The following RRAS2 variants were observed in gnomAD, a reference collection of about 807,000 sequenced individuals.
RRAS2 encodes ras-related protein R-Ras2.
RRAS2 carries 7 observed loss-of-function variants against 27.6 expected under a neutral mutation model. The observed-to-expected ratio is 0.25, with a 90% confidence interval of 0.14 to 0.48. The LOEUF is 0.48. RRAS2 is among the 20% of genes least tolerant of loss of function. The pLI, the probability that RRAS2 is intolerant of heterozygous loss-of-function variation, is 0.99. For missense variants in RRAS2, 178 were observed against 256.2 expected, an observed-to-expected ratio of 0.69 and a Z score of 2.08; for synonymous variants, 86 against 90.9, an observed-to-expected ratio of 0.95 and a Z score of 0.31.
chr11:14,312,208 G>A (rs761945477), intron 1 of RRAS2, among the ~76,000 whole-genome samples: 5 of 152,042 alleles, frequency 3.3e-5, no homozygotes, highest in African/African-American at 9.7e-5. Flanking sequence ...GGGAGAACAC[G>A]GACTAGTTAC....
intron 1 of RRAS2, among the ~76,000 whole-genome samples, chr11:14,322,574 A>T (rs1848250576): frequency 6.6e-6 from 1 of 152,166 alleles, no homozygotes; most frequent in Non-Finnish European, 1.5e-5. Flanking sequence ...CACAAATAAC[A>T]TTTTTTCCAA....
At chr11:14,282,892 CT>C (rs1177754804) in intron 4 of RRAS2, among the ~76,000 whole-genome samples, 1 of 152,088 alleles carries the variant, frequency 6.6e-6, no homozygotes, top group East Asian at 1.9e-4. Context: ...TTATTTCTTG[CT>C]TTTTGATGTG....
chr11:14,281,649 A>T lies in RRAS2; in HGVS notation c.480T>A (p.Ile160=), dbSNP rs1849539210. The part of the protein sequence containing the change: ...KVTYMEASAK[I]RMNVDQAFHE... ...GGAAAGCTTGATCTACATTCATCCT[A>T]ATCTTTGCTGATGCCTCCATGTATG... Residue 160 remains isoleucine (I), a synonymous_variant, in exon 5 of 6, where the codon ATT becomes ATA. Coordinates refer to ENST00000256196, the MANE Select transcript of RRAS2 (RefSeq NM_012250.6). 6.2e-7 allele frequency: 1 copy of T among 1,600,208 alleles called. No homozygotes were observed. Among genetic ancestry groups the T allele is most frequent in the African/African-American group, 1.3e-5 (1 of 74,222 alleles).
chr11:14,357,070 G>A (rs1554955551), intron 1 of RRAS2, among the ~76,000 whole-genome samples: 3 of 151,984 alleles, frequency 2.0e-5, no homozygotes, highest in Admixed American at 2.0e-4. Flanking sequence ...ACAGGTGTGA[G>A]CCACGACGCC....
intron 1 of RRAS2, among the ~76,000 whole-genome samples, chr11:14,353,936 A>G (rs1715677374): frequency 6.6e-6 from 1 of 152,236 alleles, no homozygotes; most frequent in Admixed American, 6.5e-5. Context: ...ATTCATTTGT[A>G]CATTAATGTT....
intron 1 of RRAS2, among the ~76,000 whole-genome samples, chr11:14,309,882 A>G (rs1847920047): frequency 6.6e-6 from 1 of 152,214 alleles, no homozygotes; most frequent in Admixed American, 6.5e-5. Context: ...GAGGCAGATG[A>G]ATAAAATGTT....
At chr11:14,356,146 A>T (rs1042773150) in intron 1 of RRAS2, among the ~76,000 whole-genome samples, 3 of 152,152 alleles carry the variant, frequency 2.0e-5, no homozygotes, top group Admixed American at 6.5e-5. Flanking sequence ...AAAATTACAC[A>T]TGCAGCAAGT....
At chr11:14,329,486 TAC>T (rs1396635596) in intron 1 of RRAS2, among the ~76,000 whole-genome samples, 21 of 152,316 alleles carry the variant, frequency 1.4e-4, no homozygotes, top group African/African-American at 4.3e-4. Flanking sequence ...ACCCCTCGCA[TAC>T]ACAGATACCT....
intron 4 of RRAS2, among the ~76,000 whole-genome samples, chr11:14,293,938 A>T (rs1373550110): frequency 1.3e-5 from 2 of 152,228 alleles, no homozygotes; most frequent in African/African-American, 4.8e-5. Flanking sequence ...CCTGCAAACT[A>T]AATACTAAAA....
At chr11:14,296,689 C>G (rs1205517410) in intron 1 of RRAS2, among the ~76,000 whole-genome samples, 1 of 152,106 alleles carries the variant, frequency 6.6e-6, no homozygotes, top group Non-Finnish European at 1.5e-5. Context: ...AAGAAAATAT[C>G]ATTTTGAAAT....
intron 1 of RRAS2, among the ~76,000 whole-genome samples, chr11:14,317,693 CAAG>C (rs1848140086): frequency 6.6e-6 from 1 of 152,196 alleles, no homozygotes; most frequent in Non-Finnish European, 1.5e-5. Context: ...CCTCTATCAA[CAAG>C]AAGCAGATGA....
chr11:14,315,834 G>A (rs1030207627), intron 1 of RRAS2, among the ~76,000 whole-genome samples: 7 of 151,720 alleles, frequency 4.6e-5, no homozygotes, highest in African/African-American at 1.7e-4. Flanking sequence ...ATTTAATTAA[G>A]GAAAACAACT....
intron 1 of RRAS2, among the ~76,000 whole-genome samples, chr11:14,308,758 T>C (rs1554948449): frequency 6.6e-6 from 1 of 152,210 alleles, no homozygotes; most frequent in African/African-American, 2.4e-5. Context: ...GAACATTTTC[T>C]GTACTTTACA....
chr11:14,326,563 A>C (rs1388598228), intron 1 of RRAS2, among the ~76,000 whole-genome samples: 1 of 152,220 alleles, frequency 6.6e-6, no homozygotes, highest in Non-Finnish European at 1.5e-5. Context: ...TTAAATCAGT[A>C]AAAGAATTTT....
upstream of RRAS2, among the ~76,000 whole-genome samples, chr11:14,364,136 C>T (rs1177913436): frequency 3.9e-5 from 6 of 152,206 alleles, no homozygotes; most frequent in Non-Finnish European, 7.3e-5. Flanking sequence ...GGAGGGTGCT[C>T]ATCCCTGTCC....
chr11:14,279,392 G>A lies in RRAS2; in HGVS notation c.560C>T (p.Pro187Leu). The A allele has an allele frequency of 6.2e-7, 1 of 1,612,666 alleles. No individual in the cohort carries two copies. Among genetic ancestry groups the A allele is most frequent in the Non-Finnish European group, 8.5e-7 (1 of 1,178,850 alleles). ...GTCTTTTTCTTTCCGTGTTGGTTCT[G>A]GTGAAGGAGGACATTCCTGCTCTTG... ...KFQEQECPPSPEPTRKEKDKK... is the reference protein window; with the variant it reads ...KFQEQECPPSLEPTRKEKDKK... The change falls in exon 6 of 6, where the codon CCA becomes CTA. Residue 187 changes from proline (P) to leucine (L), a missense_variant. Pro to Leu is a moderately conservative substitution (Grantham distance 98). Coordinates refer to ENST00000256196, the MANE Select transcript of RRAS2 (RefSeq NM_012250.6).
chr11:14,285,341 G>A (rs1400453889), intron 4 of RRAS2, among the ~76,000 whole-genome samples: 2 of 152,158 alleles, frequency 1.3e-5, no homozygotes, highest in African/African-American at 2.4e-5. Flanking sequence ...TTGAGCTCAA[G>A]AGTTCAAGGC....
rs1564982868 is a variant in RRAS2, at chr11:14,348,860, G to GTA, written c.108+9901_108+9902dup. Among the ~76,000 whole-genome samples, 4 of 152,162 alleles carry GTA rather than the reference G, an allele frequency of 2.6e-5. No homozygotes were observed. In the South Asian group the frequency reaches 8.3e-4, roughly 32 times the overall value. On this transcript the variant is annotated intron_variant, in intron 1 of 5. Coordinates refer to ENST00000256196, the MANE Select transcript of RRAS2 (RefSeq NM_012250.6). ...GCTAGGTGATCTCATTGCTAAAGGGGTATCACTGCTTCCTGGCCATCTTAG... is the reference window on the plus strand; with the variant it reads ...GCTAGGTGATCTCATTGCTAAAGGGGTATATCACTGCTTCCTGGCCATCTTAG...
At chr11:14,322,731 T>C (rs1475175836) in intron 1 of RRAS2, among the ~76,000 whole-genome samples, 13 of 152,186 alleles carry the variant, frequency 8.5e-5, no homozygotes, top group Admixed American at 3.3e-4. Context: ...GGGAAGTACA[T>C]AACAACCATT....
Sources: gnomAD v4.1 joint callset for allele counts (sites outside exome capture counted in the v4.1 genomes callset) on GRCh38, gnomAD v4.1.1 for gene constraint, MANE v1.5 for transcripts, NCBI Gene and HGNC (gene_info 2026-07-23, HGNC 2026-07-21) for gene names.